SDCCAG8: variants seen among roughly 807,000 people sequenced by gnomAD.
SDCCAG8 encodes serologically defined colon cancer antigen 8.
SDCCAG8 carries 74 observed loss-of-function variants against 101.8 expected under a neutral mutation model. That is an observed-to-expected ratio of 0.73 (90% CI 0.60 to 0.88). The LOEUF is 0.88. Among genes scored for constraint, SDCCAG8 ranks in the 40% least tolerant of loss-of-function variants. The probability of loss-of-function intolerance (pLI) is 0.00; values close to 1 mark genes in which losing one functional copy is unlikely to be tolerated. For missense variants in SDCCAG8, 787 were observed against 822.6 expected, an observed-to-expected ratio of 0.96 and a Z score of 0.53; for synonymous variants, 281 against 292.9, an observed-to-expected ratio of 0.96 and a Z score of 0.41.
At chr1:243,272,157 C>T (rs1193751434) in intron 3 of SDCCAG8, among the ~76,000 whole-genome samples, 2 of 152,148 alleles carry the variant, frequency 1.3e-5, no homozygotes, top group Admixed American at 6.5e-5. Context: ...AGATTACATA[C>T]TTAAAATTCT....
intron 13 of SDCCAG8, among the ~76,000 whole-genome samples, chr1:243,403,501 C>T (rs2079540948): frequency 6.6e-6 from 1 of 152,130 alleles, no homozygotes; most frequent in African/African-American, 2.4e-5. Context: ...GTAATATCCT[C>T]ATAGTCCTAT....
intron 9 of SDCCAG8, among the ~76,000 whole-genome samples, chr1:243,320,363 A>T (rs1343735545): frequency 6.6e-6 from 1 of 152,168 alleles, no homozygotes; most frequent in Non-Finnish European, 1.5e-5. Context: ...ACATTTGATC[A>T]TGTGACTCTG....
chr1:243,370,212 A>C (rs1192419297), intron 12 of SDCCAG8, among the ~76,000 whole-genome samples: 1 of 152,070 alleles, frequency 6.6e-6, no homozygotes, highest in Non-Finnish European at 1.5e-5. Flanking sequence ...ATGTATGCAA[A>C]TATGTCAGCA....
At chr1:243,296,168 G>A (rs567741982) in intron 6 of SDCCAG8, among the ~76,000 whole-genome samples, 2 of 152,032 alleles carry the variant, frequency 1.3e-5, no homozygotes, top group East Asian at 1.9e-4. Context: ...GTTAATTTTT[G>A]TATTTTTGGT....
chr1:243,322,171 A>G (rs1187329285), intron 9 of SDCCAG8, among the ~76,000 whole-genome samples: 1 of 152,232 alleles, frequency 6.6e-6, no homozygotes, highest in Non-Finnish European at 1.5e-5. Context: ...ATGCTACGGC[A>G]CTGGCTTTTA....
At chr1:243,456,254 T>C (rs949349699) in intron 16 of SDCCAG8, among the ~76,000 whole-genome samples, 2 of 152,168 alleles carry the variant, frequency 1.3e-5, no homozygotes, top group Non-Finnish European at 2.9e-5. Context: ...CGGGTTCTGC[T>C]CTCATCCTTG....
In SDCCAG8 at chr1:243,364,129, A is replaced by G. The variant is rs117055803; in HGVS notation, c.1474-14592A>G. Among the ~76,000 whole-genome samples, 256 of 152,212 alleles carry G rather than the reference A, an allele frequency of 1.7e-3. 7 individuals carry two copies. In the East Asian group the frequency reaches 0.047, roughly 28 times the overall value. On this transcript the variant is annotated intron_variant, in intron 12 of 17. Transcript: ENST00000366541. ...AGAAGGATTTTTTTTTCAATCAGTT[A>G]TGTCTCTATAAATAAACCTAGTTTT... is the stretch of plus-strand genomic sequence containing the variant.
At chr1:243,378,610 T>G in intron 12 of SDCCAG8, 111 bp from the exon 13 acceptor site, 2 of 1,219,024 alleles carry the variant, frequency 1.6e-6, no homozygotes, top group Non-Finnish European at 2.3e-6. Context: ...CTAAATTTTC[T>G]AATAATTTTT....
At chr1:243,296,581 C>G (rs2070920185) in intron 6 of SDCCAG8, among the ~76,000 whole-genome samples, 1 of 104,944 alleles carries the variant, frequency 9.5e-6, no homozygotes, top group Non-Finnish European at 1.7e-5. Context: ...CTCGTTCTGT[C>G]GCCCAGGCGG....
At chr1:243,423,492 T>C (rs1303037554) in intron 15 of SDCCAG8, among the ~76,000 whole-genome samples, 2 of 152,172 alleles carry the variant, frequency 1.3e-5, no homozygotes, top group African/African-American at 4.8e-5. Context: ...CAAAACTTTA[T>C]TAAATGATTT....
rs574123423 is a variant in SDCCAG8, at chr1:243,379,122, G to A, written c.1616+259G>A. 2.6e-5 allele frequency among the ~76,000 whole-genome samples: 4 copies of A among 152,238 alleles called. No homozygotes were observed. The East Asian group carries it at 5.8e-4, about 22-fold the overall frequency. On this transcript the variant is annotated intron_variant, in intron 13 of 17. Coordinates refer to ENST00000366541, the MANE Select transcript of SDCCAG8 (RefSeq NM_006642.5). The stretch of plus-strand genomic sequence containing the variant: ...TAGGTGATTCTCTATCAATATAAGC[G>A]AAATGACATATTTCTCCTACCACCA...
intron 16 of SDCCAG8, among the ~76,000 whole-genome samples, chr1:243,431,051 G>T (rs1419337671): frequency 6.6e-6 from 1 of 152,010 alleles, no homozygotes; most frequent in Non-Finnish European, 1.5e-5. Flanking sequence ...ACAAAAATTA[G>T]CTGTGTGTGG....
intron 13 of SDCCAG8, among the ~76,000 whole-genome samples, chr1:243,386,581 G>A (rs908194757): frequency 6.6e-6 from 1 of 151,894 alleles, no homozygotes; most frequent in Middle Eastern, 3.2e-3. Flanking sequence ...GTAAAAACCC[G>A]TCTCCAGTAA....
intron 16 of SDCCAG8, among the ~76,000 whole-genome samples, chr1:243,444,937 A>C (rs2082795306): frequency 6.6e-6 from 1 of 152,128 alleles, no homozygotes; most frequent in South Asian, 2.1e-4. Context: ...ATCTTTTCTT[A>C]TTCTCAAATT....
intron 12 of SDCCAG8, among the ~76,000 whole-genome samples, chr1:243,378,305 TG>T (rs2077721077): frequency 6.6e-6 from 1 of 152,094 alleles, no homozygotes; most frequent in South Asian, 2.1e-4. Flanking sequence ...AACACCCAAA[TG>T]AAGCCATAAA....
At chr1:243,298,341 G>T (rs1391831467) in intron 6 of SDCCAG8, among the ~76,000 whole-genome samples, 4 of 125,576 alleles carry the variant, frequency 3.2e-5, no homozygotes, top group Non-Finnish European at 4.9e-5. Flanking sequence ...ATGAGCCACC[G>T]CACCCTGCCT....
chr1:243,367,604 C>T (rs1221988033), intron 12 of SDCCAG8, among the ~76,000 whole-genome samples: 1 of 151,868 alleles, frequency 6.6e-6, no homozygotes, highest in East Asian at 1.9e-4. Context: ...GGGATCATGG[C>T]TTGGTCTCAG....
intron 12 of SDCCAG8, among the ~76,000 whole-genome samples, chr1:243,370,044 T>C (rs1318903705): frequency 1.3e-5 from 2 of 152,094 alleles, no homozygotes; most frequent in Non-Finnish European, 2.9e-5. Context: ...TCTTTTGCAA[T>C]GCATCGTTTG....
intron 16 of SDCCAG8, among the ~76,000 whole-genome samples, chr1:243,448,266 CA>C (rs2083082677): frequency 1.3e-5 from 2 of 152,276 alleles, no homozygotes; most frequent in African/African-American, 4.8e-5. Flanking sequence ...CTGGCTGTAG[CA>C]AACAAGGAGA....
Sources: allele counts gnomAD v4.1 joint callset (sites outside exome capture counted in the v4.1 genomes callset), GRCh38; gene constraint gnomAD v4.1.1; transcripts MANE v1.5; gene names NCBI Gene and HGNC (gene_info 2026-07-23, HGNC 2026-07-21).